CTSZ: variants seen among roughly 807,000 people sequenced by gnomAD.
The protein encoded by CTSZ is cathepsin Z, also known as carboxypeptidase LB.
Under a neutral mutation model 32.4 loss-of-function variants are expected in CTSZ, and 39 were observed. That is an observed-to-expected ratio of 1.20 (90% CI 0.93 to 1.57). The LOEUF (loss-of-function observed/expected upper bound fraction) is 1.57, where lower values mean the gene tolerates loss of function less well. CTSZ is among the 40% of genes most tolerant of loss of function. The pLI is 0.00. For missense variants in CTSZ, 397 were observed against 419.6 expected, an observed-to-expected ratio of 0.95 and a Z score of 0.47; for synonymous variants, 168 against 170.1, an observed-to-expected ratio of 0.99 and a Z score of 0.10.
At position 59,007,049 on chromosome 20, in the gene CTSZ, A is replaced by C. The variant is rs1568684798; in HGVS notation, c.80T>G (p.Phe27Cys). The C allele has an allele frequency of 1.0e-5, 15 of 1,470,120 alleles. No homozygotes were observed. Among genetic ancestry groups the C allele is most frequent in the Non-Finnish European group, 1.3e-5 (15 of 1,117,648 alleles). 91.1% of individuals were successfully genotyped at this position (1,470,120 alleles called of 1,614,324 possible). Residue 27 changes from phenylalanine to cysteine, a missense_variant, in exon 1 of 6, where the codon TTC becomes TGC. Phe to Cys is a radical substitution (Grantham distance 205, BLOSUM62 -2). Transcript: ENST00000217131. Reference sequence around the variant, plus strand: ...CCGGTAGCAGGTCTGTCCCCGGCGGAAGTAGAGGCCGCCCTGCGCCGCGCC... The same window carrying C: ...CCGGTAGCAGGTCTGTCCCCGGCGGCAGTAGAGGCCGCCCTGCGCCGCGCC... ...LAGAAQGGLY[F>C]RRGQTCYRPL...
chr20:59,001,637 G>C lies in CTSZ; in HGVS notation c.315C>G (p.Ile105Met), dbSNP rs1464562017. 1.9e-6 allele frequency: 3 copies of C among 1,613,470 alleles called. No individual in the cohort carries two copies. The highest frequency in any genetic ancestry group is 8.5e-7 in the Non-Finnish European group (1 of 1,179,596). ...HASTSAMADR[I>M]NIKRKGAWPS... is the part of the protein sequence containing the mutation. ...GCCACGCTCCCTTCCTCTTGATGTT[G>C]ATCCGATCTGCAACAGTCAGCACCT... Residue 105 changes from isoleucine to methionine, a missense_variant, in exon 3 of 6, where the codon ATC (isoleucine) becomes ATG (methionine). By Grantham distance (10) the Ile-to-Met change is conservative. Coordinates refer to ENST00000217131, the MANE Select transcript of CTSZ (RefSeq NM_001336.4).
intron 3 of CTSZ, among the ~76,000 whole-genome samples, chr20:58,999,224 CAG>C (rs1284975051): frequency 1.1e-4 from 17 of 151,992 alleles, no homozygotes; most frequent in Admixed American, 3.9e-4. Flanking sequence ...TTAGTAGGGA[CAG>C]GGTTTTACCA....
Position 59,001,653 on chromosome 20 carries a change from G to C in CTSZ, c.308-9C>G, listed in dbSNP as rs777349921. On this transcript the variant is annotated splice_polypyrimidine_tract_variant and intron_variant, in intron 2 of 5. Transcript: ENST00000217131. Reference sequence around the variant, plus strand: ...CTTGATGTTGATCCGATCTGCAACAGTCAGCACCTGCCAGTCAGCACTCAC... The same window carrying C: ...CTTGATGTTGATCCGATCTGCAACACTCAGCACCTGCCAGTCAGCACTCAC... 6.2e-7 allele frequency: 1 copy of C among 1,610,822 alleles called. No individual in the cohort carries two copies. Among genetic ancestry groups the C allele is most frequent in the East Asian group, 2.2e-5 (1 of 44,796 alleles).
Position 58,995,598 on chromosome 20 carries a change from G to A in CTSZ, c.*51C>T. ...CACACATAACCATAGGATCCCCTCT[G>A]GTCATGGGTCACCATGCCTTTTCTT... is the stretch of plus-strand genomic sequence containing the variant. On this transcript the variant is annotated 3_prime_UTR_variant, in exon 6 of 6. Transcript: ENST00000217131. The A allele has an allele frequency of 6.5e-7, 1 of 1,536,412 alleles. No homozygotes were observed. Among genetic ancestry groups the A allele is most frequent in the Non-Finnish European group, 9.0e-7 (1 of 1,110,242 alleles).
rs774888674 is a variant in CTSZ, at chr20:59,001,600, G to C, written c.352C>G (p.Leu118Val). The change falls in exon 3 of 6, where the codon CTG becomes GTG. Residue 118 changes from leucine (L) to valine (V), a missense_variant. Physicochemically the swap from Leu to Val is conservative, Grantham distance 32. Coordinates refer to ENST00000217131, the MANE Select transcript of CTSZ (RefSeq NM_001336.4). The part of the protein sequence containing the change: ...KRKGAWPSTL[L>V]SVQNVIDCGN... ...CAGTCGATGACGTTCTGCACGGACA[G>C]GAGGGTGGAGGGCCACGCTCCCTTC... 3 of 1,614,208 alleles carry C rather than the reference G, an allele frequency of 1.9e-6. No individual in the cohort carries two copies. The highest frequency in any genetic ancestry group is 2.5e-6 in the Non-Finnish European group (3 of 1,180,016).
chr20:59,000,157 C>T (rs1417266648), intron 3 of CTSZ, among the ~76,000 whole-genome samples: 1 of 152,098 alleles, frequency 6.6e-6, no homozygotes, highest in Non-Finnish European at 1.5e-5. Context: ...GCAGGTGGAT[C>T]ACTTGAGGTT....
chr20:58,996,761 C>G lies in CTSZ; in HGVS notation c.679G>C (p.Gly227Arg). The change falls in exon 5 of 6, where the codon GGA (glycine) becomes CGA (arginine). Residue 227 changes from glycine (G) to arginine (R), a missense_variant. Gly to Arg is a moderately radical substitution (Grantham distance 125, BLOSUM62 -2). Transcript: ENST00000217131. ...MATERLANYT[G>R]GIYAEYQDTT... is the part of the protein sequence containing the mutation. Reference sequence around the variant, plus strand: ...TCCTGGTATTCGGCATAGATGCCTCCGGTGTAGTTAGCCAGTCTTTCTGTT... The same window carrying G: ...TCCTGGTATTCGGCATAGATGCCTCGGGTGTAGTTAGCCAGTCTTTCTGTT... The G allele has an allele frequency of 6.2e-7, 1 of 1,614,172 alleles. No individual in the cohort carries two copies. Among genetic ancestry groups the G allele is most frequent in the Non-Finnish European group, 8.5e-7 (1 of 1,180,026 alleles).
At position 58,995,661 on chromosome 20, in the gene CTSZ, G is replaced by A; in HGVS notation, c.900C>T (p.Asp300=). The A allele has an allele frequency of 6.2e-7, 1 of 1,613,996 alleles. No individual in the cohort carries two copies. The highest frequency in any genetic ancestry group is 1.1e-5 in the South Asian group (1 of 91,044). The change falls in exon 6 of 6, where the codon GAC becomes GAT. Residue 300 remains aspartate (D), a synonymous_variant. Coordinates refer to ENST00000217131, the MANE Select transcript of CTSZ (RefSeq NM_001336.4). The stretch of plus-strand genomic sequence containing the variant: ...TAGTGACATGGCCTTAAACGATGGG[G>A]TCCCCAAATGTACAGTGCTCCTCGA... ...LAIEEHCTFG[D]PIV is the part of the protein sequence containing the mutation.
In CTSZ at chr20:59,006,391, T is replaced by C; in HGVS notation, c.238A>G (p.Thr80Ala). Residue 80 changes from threonine (T) to alanine (A), a missense_variant, in exon 2 of 6, where the codon ACC becomes GCC. Transcript: ENST00000217131. ...NVDGVNYASI[T>A]RNQHIPQYCG... ...TATTGGGGGATGTGCTGGTTCCGGG[T>C]GATGCTGGCATAGTTGACACCATCC... The C allele has an allele frequency of 6.2e-7, 1 of 1,613,940 alleles. No individual in the cohort carries two copies. Among genetic ancestry groups the C allele is most frequent in the African/African-American group, 1.3e-5 (1 of 75,056 alleles).
At chr20:59,006,193 A>G (rs1411131213) in intron 2 of CTSZ, 129 bp downstream of exon 2, 64 of 1,264,594 alleles carry the variant, frequency 5.1e-5, no homozygotes, top group Non-Finnish European at 6.7e-5. Context: ...CCTCGGCCTT[A>G]GCACCCCAGC....
At chr20:58,996,867 T>C in intron 4 of CTSZ, 66 bp from the exon 5 acceptor site, 1 of 1,569,314 alleles carries the variant, frequency 6.4e-7, no homozygotes, top group South Asian at 1.2e-5. Context: ...TTAGAAATAA[T>C]CTGATATGGC....
intron 1 of CTSZ, among the ~76,000 whole-genome samples, chr20:59,006,726 G>A (rs2091910013): frequency 6.6e-6 from 1 of 152,218 alleles, no homozygotes; most frequent in African/African-American, 2.4e-5. Context: ...CCCCAGCCAT[G>A]CCGCGCCGTA....
rs71181993 is a variant in CTSZ, at chr20:59,007,230, C to CCGGCCG, written c.-103_-102insCGGCCG. 1 of 1,262,668 alleles carries CCGGCCG rather than the reference C, an allele frequency of 7.9e-7. No homozygotes were observed. Among genetic ancestry groups the CCGGCCG allele is most frequent in the Non-Finnish European group, 9.9e-7 (1 of 1,006,774 alleles). 78.2% of individuals were successfully genotyped at this position (1,262,668 alleles called of 1,614,324 possible). On this transcript the variant is annotated 5_prime_UTR_variant, in exon 1 of 6. Transcript: ENST00000217131. ...TCCCGCCCCGGCCTCGGCCTCGGCC[C>CCGGCCG]AGCACCCGGCCGACCCCGCACTTTG...
At chr20:59,006,619 T>A in intron 1 of CTSZ, 134 bp from the exon 2 acceptor site, 1 of 938,338 alleles carries the variant, frequency 1.1e-6, no homozygotes, top group Non-Finnish European at 1.6e-6. Flanking sequence ...TCACCAGAGG[T>A]GAGCCAGGTG....
chr20:59,001,600 G>A lies in CTSZ; in HGVS notation c.352C>T (p.Leu118=). ...CAGTCGATGACGTTCTGCACGGACA[G>A]GAGGGTGGAGGGCCACGCTCCCTTC... ...KRKGAWPSTL[L]SVQNVIDCGN... Residue 118 remains leucine (L), a synonymous_variant, in exon 3 of 6, where the codon CTG becomes TTG. Coordinates refer to ENST00000217131, the MANE Select transcript of CTSZ (RefSeq NM_001336.4). 1.2e-6 allele frequency: 2 copies of A among 1,614,208 alleles called. No individual in the cohort carries two copies. The highest frequency in any genetic ancestry group is 1.1e-5 in the South Asian group (1 of 91,088).
In CTSZ at chr20:58,999,855, G is replaced by A. The variant is rs374949201; in HGVS notation, c.487+1610C>T. Among the ~76,000 whole-genome samples the A allele has an allele frequency of 7.3e-5, 11 of 151,278 alleles. No homozygotes were observed. In the East Asian group the frequency reaches 1.2e-3, roughly 16 times the overall value. On this transcript the variant is annotated intron_variant, in intron 3 of 5. Coordinates refer to ENST00000217131, the MANE Select transcript of CTSZ (RefSeq NM_001336.4). ...GAGGCCGAGGCAGGCATATCACGAG[G>A]TCAGGAGATCAAGACCATCCTGGTT... is the stretch of plus-strand genomic sequence containing the variant.
chr20:59,001,723 G>T, intron 2 of CTSZ, 79 bp from the exon 3 acceptor site: 1 of 1,471,572 alleles, frequency 6.8e-7, no homozygotes, highest in Non-Finnish European at 9.3e-7. Context: ...CGCCTCAGGC[G>T]GGATGCAGGC....
chr20:58,996,485 A>C, intron 5 of CTSZ, 154 bp downstream of exon 5: 1 of 777,866 alleles, frequency 1.3e-6, no homozygotes, highest in African/African-American at 1.7e-5. Flanking sequence ...GTCTGGCCCC[A>C]AAAGCCACTC....
At chr20:59,001,706 A>C (rs2091890435) in intron 2 of CTSZ, 62 bp from the exon 3 acceptor site, 2 of 1,555,090 alleles carry the variant, frequency 1.3e-6, no homozygotes, top group South Asian at 2.4e-5. Flanking sequence ...CCCCGAACGG[A>C]CCTGGACGCC....
Sources: allele counts gnomAD v4.1 joint callset (sites outside exome capture counted in the v4.1 genomes callset), GRCh38; gene constraint gnomAD v4.1.1; transcripts MANE v1.5; gene names NCBI Gene and HGNC (gene_info 2026-07-23, HGNC 2026-07-21).